SEMA5A: variants seen among roughly 807,000 people sequenced by gnomAD.
SEMA5A encodes semaphorin 5A, also known as semaphorin-5A.
Under a neutral mutation model 135.5 loss-of-function variants are expected in SEMA5A, and 55 were observed. The ratio of observed to expected loss-of-function variants is 0.41; its 90% CI spans 0.33 to 0.51. SEMA5A has a LOEUF of 0.51. Among genes scored for constraint, SEMA5A ranks in the 20% least tolerant of loss-of-function variants. SEMA5A has a pLI of 0.37. For synonymous variants in SEMA5A, 580 were observed against 546.5 expected (o/e 1.06, Z -0.85); for missense variants, 1,290 against 1,419.9 (o/e 0.91, Z 1.47).
At chr5:9,475,833 C>T (rs1759648809) in intron 1 of SEMA5A, among the ~76,000 whole-genome samples, 1 of 152,156 alleles carries the variant, frequency 6.6e-6, no homozygotes. Flanking sequence ...AAAGTGTTCA[C>T]GTTTTAAACT....
rs915815472 is a variant in SEMA5A, at chr5:9,190,251, G to A, written c.1273+16C>T. 9.9e-6 allele frequency: 16 copies of A among 1,611,480 alleles called. No individual in the cohort carries two copies. Among genetic ancestry groups the A allele is most frequent in the South Asian group, 2.2e-5 (2 of 91,002 alleles). ...AAGATGGTAGAAAACCCCTCAGAGG[G>A]GGCCAGAGCTCCTACCTGTGGCCAA... On this transcript the variant is annotated intron_variant, in intron 11 of 22. Coordinates refer to ENST00000382496, the MANE Select transcript of SEMA5A (RefSeq NM_003966.3).
intron 2 of SEMA5A, among the ~76,000 whole-genome samples, chr5:9,433,832 A>T (rs911039193): frequency 1.2e-4 from 19 of 152,228 alleles, no homozygotes; most frequent in Non-Finnish European, 2.6e-4. Flanking sequence ...TGAAGTATAA[A>T]TATCTACAAT....
chr5:9,442,325 T>A (rs1222760587), intron 1 of SEMA5A, among the ~76,000 whole-genome samples: 1 of 152,218 alleles, frequency 6.6e-6, no homozygotes, highest in Non-Finnish European at 1.5e-5. Flanking sequence ...GTCGCCTGGT[T>A]GGCAACACCC....
At chr5:9,341,375 A>C (rs546378809) in intron 3 of SEMA5A, among the ~76,000 whole-genome samples, 1 of 152,202 alleles carries the variant, frequency 6.6e-6, no homozygotes, top group African/African-American at 2.4e-5. Context: ...CTGCTTTCTA[A>C]GGAATCAGAA....
intron 15 of SEMA5A, 22 bp from the exon 16 acceptor site, chr5:9,108,309 G>A: frequency 6.2e-7 from 1 of 1,612,376 alleles, no homozygotes; most frequent in Non-Finnish European, 8.5e-7. Flanking sequence ...AAACCAAAAT[G>A]ACAAGGAAAC....
At chr5:9,289,284 C>A (rs900399854) in intron 5 of SEMA5A, among the ~76,000 whole-genome samples, 2 of 152,088 alleles carry the variant, frequency 1.3e-5, no homozygotes, top group Non-Finnish European at 2.9e-5. Context: ...TCTGATTTAA[C>A]AAAACTTTTT....
chr5:9,103,714 A>G (rs1370438913), intron 16 of SEMA5A, among the ~76,000 whole-genome samples: 1 of 152,238 alleles, frequency 6.6e-6, no homozygotes, highest in Non-Finnish European at 1.5e-5. Flanking sequence ...ACAGCAAAAA[A>G]TAAGGTAAAT....
chr5:9,465,956 G>A (rs115193741), intron 1 of SEMA5A, among the ~76,000 whole-genome samples: 1,627 of 152,300 alleles, frequency 0.011, 8 homozygotes, highest in Non-Finnish European at 0.018. Context: ...TCAGAGAGAC[G>A]TCCAGTGTTG....
intron 16 of SEMA5A, among the ~76,000 whole-genome samples, chr5:9,098,993 A>G (rs1261141012): frequency 1.3e-5 from 2 of 152,192 alleles, no homozygotes; most frequent in Non-Finnish European, 2.9e-5. Context: ...AACTATAGAA[A>G]TGTACAACAG....
intron 1 of SEMA5A, among the ~76,000 whole-genome samples, chr5:9,473,431 G>A (rs1221105024): frequency 1.6e-5 from 2 of 128,168 alleles, no homozygotes; most frequent in Non-Finnish European, 3.2e-5. Flanking sequence ...ATAAGCCCAT[G>A]TAGACCCTGG....
In SEMA5A at chr5:9,230,158, CTT is replaced by C. The variant is rs5865817; in HGVS notation, c.334-3193_334-3192del. On this transcript the variant is annotated intron_variant, in intron 6 of 22. Coordinates refer to ENST00000382496, the MANE Select transcript of SEMA5A (RefSeq NM_003966.3). Reference sequence around the variant, plus strand: ...TGCCACCACCCCTGGCTATTTTTTTCTTTTTTTTTTTTTTTTTTTTTTGTAGG... The same window carrying C: ...TGCCACCACCCCTGGCTATTTTTTTCTTTTTTTTTTTTTTTTTTTTGTAGG... Among the ~76,000 whole-genome samples, 10 of 98,278 alleles carry C rather than the reference CTT, an allele frequency of 1.0e-4. No homozygotes were observed. In the East Asian group the frequency reaches 1.9e-3, roughly 18 times the overall value. 64.5% of individuals were successfully genotyped at this position (98,278 alleles called of 152,430 possible). A position where few individuals can be genotyped will look rare whatever the true frequency, so the allele number is the denominator to read the frequency against.
At chr5:9,443,615 A>T (rs1758319991) in intron 1 of SEMA5A, among the ~76,000 whole-genome samples, 1 of 152,248 alleles carries the variant, frequency 6.6e-6, no homozygotes, top group Non-Finnish European at 1.5e-5. Context: ...TTATCATCTC[A>T]CATAGTTACA....
At position 9,353,125 on chromosome 5, in the gene SEMA5A, A is replaced by AG. The variant is rs200669775; in HGVS notation, c.125-15314dup. Reference sequence around the variant, plus strand: ...AGGAAAGGAAAGGAAAGGAAAGGAAAGGAAAGGAAAGGAAAGGAAAGGAAA... The same window carrying AG: ...AGGAAAGGAAAGGAAAGGAAAGGAAAGGGAAAGGAAAGGAAAGGAAAGGAAA... On this transcript the variant is annotated intron_variant, in intron 3 of 22. Transcript: ENST00000382496. Among the ~76,000 whole-genome samples the AG allele has an allele frequency of 1.2e-3, 77 of 66,648 alleles. 3 individuals are homozygous for AG. Among genetic ancestry groups the AG allele is most frequent in the African/African-American group, 4.4e-3 (57 of 12,814 alleles). The allele number at this position is 66,648 out of a possible 152,430, so 43.7% of individuals were successfully genotyped here.
intron 5 of SEMA5A, among the ~76,000 whole-genome samples, chr5:9,262,782 A>T (rs983428416): frequency 1.8e-5 from 2 of 112,928 alleles, no homozygotes; most frequent in African/African-American, 6.9e-5. Flanking sequence ...GCATTGGGAG[A>T]TATACCTAAT....
chr5:9,190,661 G>T (rs1745058667), intron 10 of SEMA5A, among the ~76,000 whole-genome samples, 190 bp from the exon 11 acceptor site: 1 of 152,046 alleles, frequency 6.6e-6, no homozygotes, highest in South Asian at 2.1e-4. Flanking sequence ...TGTTAGATTT[G>T]AACTCATATC....
intron 15 of SEMA5A, among the ~76,000 whole-genome samples, chr5:9,118,125 C>G (rs914970594): frequency 1.3e-5 from 2 of 152,078 alleles, no homozygotes; most frequent in African/African-American, 4.8e-5. Context: ...TATTTTTATT[C>G]GAGGTTCCAG....
chr5:9,075,574 A>G (rs1738008877), intron 16 of SEMA5A, among the ~76,000 whole-genome samples: 1 of 147,570 alleles, frequency 6.8e-6, no homozygotes, highest in African/African-American at 2.5e-5. Flanking sequence ...AAAAGGTGTG[A>G]CACTGTAGAA....
intron 1 of SEMA5A, among the ~76,000 whole-genome samples, chr5:9,459,005 C>A (rs144320746): frequency 6.6e-6 from 1 of 152,112 alleles, no homozygotes; most frequent in African/African-American, 2.4e-5. Context: ...TCTATTTTCA[C>A]AAGAAAATAT....
chr5:9,045,488 A>C (rs762610132), intron 21 of SEMA5A, among the ~76,000 whole-genome samples: 1 of 152,234 alleles, frequency 6.6e-6, no homozygotes, highest in African/African-American at 2.4e-5. Context: ...AAAAGGGTCT[A>C]CAGGAAAAAT....
Sources: gnomAD v4.1 joint callset for allele counts (sites outside exome capture counted in the v4.1 genomes callset) on GRCh38, gnomAD v4.1.1 for gene constraint, MANE v1.5 for transcripts, NCBI Gene and HGNC (gene_info 2026-07-23, HGNC 2026-07-21) for gene names.